Variants in HDAC9 observed in about 807,000 individuals in gnomAD.
HDAC9 encodes the protein histone deacetylase 9.
Under a neutral mutation model 139.4 loss-of-function variants are expected in HDAC9, and 41 were observed. That is an observed-to-expected ratio of 0.29 (90% CI 0.23 to 0.38). The LOEUF (loss-of-function observed/expected upper bound fraction) is 0.38, where lower values mean the gene tolerates loss of function less well. Among genes scored for constraint, HDAC9 ranks in the 10% least tolerant of loss-of-function variants. The pLI, the probability that HDAC9 is intolerant of heterozygous loss-of-function variation, is 1.00. For synonymous variants in HDAC9, 517 were observed against 476.2 expected (o/e 1.09, Z -1.12); for missense variants, 1,147 against 1,297.0 (o/e 0.88, Z 1.78).
At chr7:18,857,904 GA>G (rs1797810522) in intron 21 of HDAC9, among the ~76,000 whole-genome samples, 1 of 152,060 alleles carries the variant, frequency 6.6e-6, no homozygotes. Context: ...TCTGCTACTT[GA>G]AAAGATTTTT....
chr7:18,151,280 T>C (rs891204183), intron 1 of HDAC9, among the ~76,000 whole-genome samples: 3 of 152,240 alleles, frequency 2.0e-5, no homozygotes, highest in Admixed American at 6.5e-5. Context: ...GTTCTGACAC[T>C]GTAATTATAT....
At chr7:18,223,500 G>A (rs1322101099) in intron 2 of HDAC9, among the ~76,000 whole-genome samples, 3 of 151,710 alleles carry the variant, frequency 2.0e-5, no homozygotes, top group South Asian at 2.1e-4. Context: ...TAGATGGTGG[G>A]TAATCACTTA....
chr7:18,992,190 G>A (rs1044667244), intron 25 of HDAC9, among the ~76,000 whole-genome samples: 6 of 152,144 alleles, frequency 3.9e-5, no homozygotes, highest in Non-Finnish European at 7.3e-5. Flanking sequence ...TTTAGAGTAC[G>A]TATACTAGGA....
chr7:18,846,576 C>T (rs989658881), intron 21 of HDAC9, among the ~76,000 whole-genome samples: 1 of 152,210 alleles, frequency 6.6e-6, no homozygotes, highest in African/African-American at 2.4e-5. Flanking sequence ...TATAAACTGT[C>T]ACTTTCAGAA....
chr7:18,101,917 A>G (rs920283263), intron 1 of HDAC9, among the ~76,000 whole-genome samples: 5 of 152,212 alleles, frequency 3.3e-5, no homozygotes, highest in African/African-American at 9.6e-5. Flanking sequence ...GTAAATGTGA[A>G]TGATCATAAA....
chr7:18,529,049 C>T (rs1275430821), intron 2 of HDAC9, among the ~76,000 whole-genome samples: 1 of 152,022 alleles, frequency 6.6e-6, no homozygotes, highest in Non-Finnish European at 1.5e-5. Context: ...AAACATTTGT[C>T]TGGGTATTAA....
Position 18,997,562 on chromosome 7 carries a change from G to C in HDAC9, c.*1500G>C, listed in dbSNP as rs908526153. The C allele has an allele frequency of 1.3e-5, 2 of 151,996 alleles. No individual in the cohort carries two copies. The highest frequency in any genetic ancestry group is 2.4e-5 in the African/African-American group (1 of 41,394). 9.4% of individuals were successfully genotyped at this position (151,996 alleles called of 1,614,324 possible). A position where few individuals can be genotyped will look rare whatever the true frequency, so the allele number is the denominator to read the frequency against. ...TTTTTATATATTTTTCTAACTCAAAGGATATATTAAAGCCATAAGTGAAGA... is the reference window on the plus strand; with the variant it reads ...TTTTTATATATTTTTCTAACTCAAACGATATATTAAAGCCATAAGTGAAGA... On this transcript the variant is annotated 3_prime_UTR_variant, in exon 26 of 26. Coordinates refer to ENST00000686413, the MANE Select transcript of HDAC9 (RefSeq NM_178425.4).
chr7:18,620,597 G>A (rs1168195475), intron 6 of HDAC9, among the ~76,000 whole-genome samples: 1 of 151,358 alleles, frequency 6.6e-6, no homozygotes, highest in Non-Finnish European at 1.5e-5. Context: ...AACTTTTACT[G>A]AGTTTCACCT....
chr7:18,141,956 A>G (rs921012992), intron 1 of HDAC9, among the ~76,000 whole-genome samples: 5 of 152,188 alleles, frequency 3.3e-5, no homozygotes, highest in African/African-American at 9.6e-5. Context: ...AGAATACCCT[A>G]TCAGTTCATT....
intron 2 of HDAC9, chr7:18,260,651 G>C (rs1242328380): frequency 6.5e-6 from 1 of 154,128 alleles, no homozygotes; most frequent in Non-Finnish European, 1.5e-5. Context: ...ATTTCCTTTA[G>C]TCAGTACAAC....
chr7:18,119,179 T>A (rs901065431), intron 1 of HDAC9, among the ~76,000 whole-genome samples: 2 of 152,172 alleles, frequency 1.3e-5, no homozygotes, highest in Non-Finnish European at 2.9e-5. Flanking sequence ...AAATGGTAGG[T>A]TACTATAACA....
chr7:18,904,871 G>C (rs1802080095), intron 22 of HDAC9, among the ~76,000 whole-genome samples: 1 of 151,490 alleles, frequency 6.6e-6, no homozygotes, highest in South Asian at 2.1e-4. Context: ...CGCCGTGCCC[G>C]GCCACTTCTT....
At chr7:18,660,833 G>C (rs889615968) in intron 11 of HDAC9, among the ~76,000 whole-genome samples, 3 of 152,124 alleles carry the variant, frequency 2.0e-5, no homozygotes, top group African/African-American at 4.8e-5. Flanking sequence ...ATGTGAGAAA[G>C]AGAGAACAAG....
intron 1 of HDAC9, among the ~76,000 whole-genome samples, chr7:18,334,449 A>G (rs1781435788): frequency 6.6e-6 from 1 of 151,626 alleles, no homozygotes; most frequent in South Asian, 2.1e-4. Context: ...TAGAAATAAT[A>G]TAATCCTTAT....
intron 1 of HDAC9, among the ~76,000 whole-genome samples, chr7:18,391,182 C>T (rs974209304): frequency 2.0e-5 from 3 of 151,820 alleles, no homozygotes; most frequent in Admixed American, 6.6e-5. Context: ...GTCAGGAGTT[C>T]GGGACCAGCC....
intron 1 of HDAC9, among the ~76,000 whole-genome samples, chr7:18,294,803 A>G (rs1404584108): frequency 3.3e-5 from 5 of 152,142 alleles, no homozygotes; most frequent in Non-Finnish European, 7.4e-5. Context: ...AGGTTAGAAA[A>G]CTATTTCAAT....
chr7:18,622,907 G>A (rs1475585913), intron 6 of HDAC9, among the ~76,000 whole-genome samples: 2 of 151,752 alleles, frequency 1.3e-5, no homozygotes, highest in Non-Finnish European at 2.9e-5. Flanking sequence ...ACTTTGGGAG[G>A]CCAAGGCAAG....
chr7:18,679,485 T>G lies in HDAC9; in HGVS notation c.1731+13009T>G, dbSNP rs969580727. 2.0e-5 allele frequency among the ~76,000 whole-genome samples: 3 copies of G among 151,496 alleles called. No homozygotes were observed. The East Asian group carries it at 5.8e-4, about 29-fold the overall frequency. ...TTTCTTCCTTCCCTCCCACCCTCTC[T>G]CCCTTTCTTTTCTTTTCTTTCTTTT... On this transcript the variant is annotated intron_variant, in intron 12 of 25. Transcript: ENST00000686413.
chr7:18,744,725 A>G (rs1030690141), intron 13 of HDAC9, among the ~76,000 whole-genome samples: 3 of 152,318 alleles, frequency 2.0e-5, no homozygotes, highest in Admixed American at 6.5e-5. Context: ...CATGCAATAA[A>G]GAAGGAAAGA....
Sources: gnomAD v4.1 joint callset for allele counts (sites outside exome capture counted in the v4.1 genomes callset) on GRCh38, gnomAD v4.1.1 for gene constraint, MANE v1.5 for transcripts, NCBI Gene and HGNC (gene_info 2026-07-23, HGNC 2026-07-21) for gene names.